Variants in MCHR2 observed in about 807,000 individuals in gnomAD.
The protein encoded by MCHR2 is melanin concentrating hormone receptor 2.
A neutral mutation model predicts 24.8 loss-of-function variants in MCHR2; 15 were observed. That is an observed-to-expected ratio of 0.60 (90% confidence interval 0.40 to 0.93). The LOEUF is 0.93. Ranked by LOEUF, MCHR2 falls within the 40% of genes least tolerant of loss-of-function variation. The probability of loss-of-function intolerance (pLI) is 0.00; values close to 1 mark genes in which losing one functional copy is unlikely to be tolerated. For missense variants in MCHR2, 386 were observed against 408.7 expected, an observed-to-expected ratio of 0.94 and a Z score of 0.48; for synonymous variants, 151 against 147.6, an observed-to-expected ratio of 1.02 and a Z score of -0.17.
At chr6:99,922,353 C>T (rs1397315309) in intron 5 of MCHR2, among the ~76,000 whole-genome samples, 1 of 152,072 alleles carries the variant, frequency 6.6e-6, no homozygotes, top group African/African-American at 2.4e-5. Context: ...GCGATCCGCC[C>T]GCCTCGGCCA....
At chr6:99,993,450 G>A (rs1775923972) in intron 1 of MCHR2, among the ~76,000 whole-genome samples, 1 of 152,142 alleles carries the variant, frequency 6.6e-6, no homozygotes, top group Non-Finnish European at 1.5e-5. Context: ...GGGACACGGG[G>A]ATCTACCTGG....
intron 1 of MCHR2, among the ~76,000 whole-genome samples, chr6:99,964,398 A>C (rs1432815213): frequency 2.0e-5 from 3 of 152,134 alleles, no homozygotes; most frequent in Non-Finnish European, 4.4e-5. Context: ...AATGCCCAGG[A>C]CTGGGTAATT....
chr6:99,939,813 T>A (rs1474554856), intron 4 of MCHR2, among the ~76,000 whole-genome samples: 2 of 151,450 alleles, frequency 1.3e-5, no homozygotes, highest in Non-Finnish European at 2.9e-5. Context: ...GGAAAACACT[T>A]TAACTCTTCT....
intron 4 of MCHR2, among the ~76,000 whole-genome samples, chr6:99,939,870 G>C (rs1396667715): frequency 2.4e-5 from 1 of 41,618 alleles, no homozygotes. Flanking sequence ...TGGATGGCAG[G>C]TGTTTTTTTT....
intron 1 of MCHR2, among the ~76,000 whole-genome samples, chr6:99,969,702 T>TCCCTCCC (rs1775363545): frequency 8.6e-6 from 1 of 116,568 alleles, no homozygotes. Context: ...ATATCTCCTA[T>TCCCTCCC]CCCTCCCCCC....
intron 5 of MCHR2, among the ~76,000 whole-genome samples, chr6:99,925,456 T>C (rs1232446980): frequency 6.6e-6 from 1 of 152,142 alleles, no homozygotes; most frequent in East Asian, 1.9e-4. Context: ...TTTCTGGTTG[T>C]TTTGCGTTCT....
intron 4 of MCHR2, among the ~76,000 whole-genome samples, chr6:99,942,607 A>G (rs367837885): frequency 6.6e-6 from 1 of 152,180 alleles, no homozygotes; most frequent in East Asian, 1.9e-4. Flanking sequence ...CTGCAATTGC[A>G]TACTGATGAG....
intron 5 of MCHR2, among the ~76,000 whole-genome samples, chr6:99,931,020 T>C (rs1214339129): frequency 6.6e-6 from 1 of 152,206 alleles, no homozygotes; most frequent in Non-Finnish European, 1.5e-5. Context: ...GGGTTTTTGG[T>C]GTGGATGTCC....
At position 99,947,666 on chromosome 6, in the gene MCHR2, T is replaced by C. The variant is rs1312524769; in HGVS notation, c.392+96A>G. 8.2e-6 allele frequency: 10 copies of C among 1,221,486 alleles called. No homozygotes were observed. The African/African-American group carries it at 1.1e-4, about 13-fold the overall frequency. 75.7% of individuals were successfully genotyped at this position (1,221,486 alleles called of 1,614,324 possible). ...TGAAACAAAGGAAGAAAACCTCTGC[T>C]GTTATAAACCAAAACTGGTGTTGGA... On this transcript the variant is annotated intron_variant, in intron 3 of 5. Transcript: ENST00000281806.
At chr6:99,978,578 C>T (rs1317921793) in intron 1 of MCHR2, among the ~76,000 whole-genome samples, 1 of 152,006 alleles carries the variant, frequency 6.6e-6, no homozygotes, top group African/African-American at 2.4e-5. Context: ...ACCACCACGC[C>T]CAGCTAATTT....
chr6:99,952,974 T>C (rs1056706115), intron 2 of MCHR2, among the ~76,000 whole-genome samples: 1 of 152,184 alleles, frequency 6.6e-6, no homozygotes, highest in African/African-American at 2.4e-5. Flanking sequence ...TGCAAACCAA[T>C]TGGTCCGTAC....
intron 1 of MCHR2, among the ~76,000 whole-genome samples, chr6:99,971,378 TAAGA>T (rs1775415699): frequency 1.3e-5 from 2 of 151,862 alleles, no homozygotes; most frequent in African/African-American, 2.4e-5. Context: ...TATTGGTGTA[TAAGA>T]ATGCTTGTGA....
intron 1 of MCHR2, among the ~76,000 whole-genome samples, chr6:99,980,795 T>C (rs946228525): frequency 3.3e-5 from 5 of 152,264 alleles, no homozygotes; most frequent in African/African-American, 1.2e-4. Context: ...TTTTTTATTC[T>C]GCCAATATTC....
At chr6:99,962,491 T>C (rs749833795) in intron 1 of MCHR2, among the ~76,000 whole-genome samples, 1 of 152,102 alleles carries the variant, frequency 6.6e-6, no homozygotes, top group Non-Finnish European at 1.5e-5. Flanking sequence ...AAGTATACAA[T>C]TGAGGAGAGG....
At chr6:99,968,429 C>T (rs1008182426) in intron 1 of MCHR2, among the ~76,000 whole-genome samples, 2 of 152,180 alleles carry the variant, frequency 1.3e-5, no homozygotes, top group Non-Finnish European at 2.9e-5. Context: ...TAGGCTTGGT[C>T]TCCTCTCATA....
intron 5 of MCHR2, among the ~76,000 whole-genome samples, chr6:99,921,943 A>C (rs1002084418): frequency 6.6e-6 from 1 of 152,178 alleles, no homozygotes; most frequent in Non-Finnish European, 1.5e-5. Context: ...ATGTTCTTGC[A>C]ATTGACAGTA....
At chr6:99,980,715 T>G (rs1395166815) in intron 1 of MCHR2, among the ~76,000 whole-genome samples, 1 of 152,192 alleles carries the variant, frequency 6.6e-6, no homozygotes, top group Non-Finnish European at 1.5e-5. Context: ...GGATTTTCAC[T>G]TCTGAATCAA....
In MCHR2 at chr6:99,920,290, T is replaced by C. The variant is rs1297579501; in HGVS notation, c.*650A>G. ...TAGAAAAGAAACAGGCAGAGCTGAATGTTAGCTCAGCTCTTAGATAGCTGT... is the reference window on the plus strand; with the variant it reads ...TAGAAAAGAAACAGGCAGAGCTGAACGTTAGCTCAGCTCTTAGATAGCTGT... On this transcript the variant is annotated 3_prime_UTR_variant, in exon 6 of 6. Coordinates refer to ENST00000281806, the MANE Select transcript of MCHR2 (RefSeq NM_001040179.2). 1 of 152,258 alleles carries C rather than the reference T, an allele frequency of 6.6e-6. No individual in the cohort carries two copies. Among genetic ancestry groups the C allele is most frequent in the African/African-American group, 2.4e-5 (1 of 41,450 alleles). 9.4% of individuals were successfully genotyped at this position (152,258 alleles called of 1,614,324 possible).
chr6:99,968,220 G>A (rs1198582996), intron 1 of MCHR2, among the ~76,000 whole-genome samples: 1 of 152,158 alleles, frequency 6.6e-6, no homozygotes, highest in African/African-American at 2.4e-5. Flanking sequence ...AACCAAGACA[G>A]GGCTGAGGTT....
Sources: gnomAD v4.1 joint callset for allele counts (sites outside exome capture counted in the v4.1 genomes callset) on GRCh38, gnomAD v4.1.1 for gene constraint, MANE v1.5 for transcripts, NCBI Gene and HGNC (gene_info 2026-07-23, HGNC 2026-07-21) for gene names.